Variants in PIK3R1 observed in about 807,000 individuals in gnomAD.
The protein encoded by PIK3R1 is phosphatidylinositol 3-kinase regulatory subunit alpha.
A neutral mutation model predicts 98.0 loss-of-function variants in PIK3R1; 29 were observed. The observed-to-expected ratio is 0.30, with a 90% CI of 0.22 to 0.40. The LOEUF (loss-of-function observed/expected upper bound fraction) is 0.40, where lower values mean the gene tolerates loss of function less well. Among genes scored for constraint, PIK3R1 ranks in the 10% least tolerant of loss-of-function variants. The probability of loss-of-function intolerance (pLI) is 1.00; values close to 1 mark genes in which losing one functional copy is unlikely to be tolerated. For synonymous variants in PIK3R1, 282 were observed against 311.8 expected (o/e 0.90, Z 1.01); for missense variants, 596 against 872.7 (o/e 0.68, Z 3.99).
chr5:68,262,793 A>G (rs1290928851), intron 2 of PIK3R1, among the ~76,000 whole-genome samples: 3 of 4,512 alleles, frequency 6.6e-4, no homozygotes, highest in African/African-American at 3.5e-3. Context: ...AGATACATGT[A>G]TACGTAGATA....
intron 4 of PIK3R1, among the ~76,000 whole-genome samples, chr5:68,276,420 G>A (rs1170475577): frequency 2.6e-5 from 4 of 152,228 alleles, no homozygotes; most frequent in African/African-American, 9.6e-5. Flanking sequence ...AACCTAGGGA[G>A]AGACCTAAGG....
chr5:68,228,020 T>G (rs1744345851), intron 2 of PIK3R1, among the ~76,000 whole-genome samples: 1 of 152,234 alleles, frequency 6.6e-6, no homozygotes, highest in African/African-American at 2.4e-5. Context: ...AATACCGGTT[T>G]CCTCACTAGT....
At chr5:68,275,285 A>C (rs1026744075) in intron 4 of PIK3R1, among the ~76,000 whole-genome samples, 1 of 152,158 alleles carries the variant, frequency 6.6e-6, no homozygotes, top group Admixed American at 6.5e-5. Flanking sequence ...CAAGGTGAAA[A>C]GGCTTGTTTT....
At chr5:68,220,459 C>G (rs1427822960) in intron 1 of PIK3R1, among the ~76,000 whole-genome samples, 1 of 152,142 alleles carries the variant, frequency 6.6e-6, no homozygotes, top group Non-Finnish European at 1.5e-5. Context: ...GCTACGTCAC[C>G]CTTTCTCCCA....
At chr5:68,222,004 T>C (rs930084435) in intron 1 of PIK3R1, among the ~76,000 whole-genome samples, 4 of 152,240 alleles carry the variant, frequency 2.6e-5, no homozygotes, top group African/African-American at 9.6e-5. Context: ...CAATAACTTA[T>C]GCATGCACTA....
At chr5:68,245,517 C>T (rs1391738405) in intron 2 of PIK3R1, among the ~76,000 whole-genome samples, 1 of 152,100 alleles carries the variant, frequency 6.6e-6, no homozygotes, top group African/African-American at 2.4e-5. Flanking sequence ...TGAACAATGC[C>T]CTTGGCTAAC....
chr5:68,284,531 C>T (rs556110033), intron 7 of PIK3R1, among the ~76,000 whole-genome samples: 1 of 152,340 alleles, frequency 6.6e-6, no homozygotes, highest in South Asian at 2.1e-4. Flanking sequence ...AACCATACGT[C>T]GCTGCCCCAA....
intron 7 of PIK3R1, chr5:68,291,399 G>A (rs1331581054): frequency 6.6e-6 from 1 of 151,994 alleles, no homozygotes; most frequent in Non-Finnish European, 1.5e-5. Context: ...ATCATTTTTT[G>A]TATAAGTTAA....
chr5:68,262,529 G>T (rs1207152987), intron 2 of PIK3R1, among the ~76,000 whole-genome samples: 5 of 81,172 alleles, frequency 6.2e-5, no homozygotes, highest in Non-Finnish European at 1.0e-4. Context: ...TAGATACATA[G>T]CTATATAGAT....
chr5:68,291,412 T>TG (rs1747382039), intron 7 of PIK3R1: 1 of 151,962 alleles, frequency 6.6e-6, no homozygotes, highest in Non-Finnish European at 1.5e-5. Flanking sequence ...TAAGTTAAAA[T>TG]AGTAACAGTG....
chr5:68,243,160 G>T (rs921409837), intron 2 of PIK3R1, among the ~76,000 whole-genome samples: 3 of 149,770 alleles, frequency 2.0e-5, no homozygotes, highest in Non-Finnish European at 4.4e-5. Context: ...GGCCCATTTT[G>T]AGCCCTTTGC....
rs1281378259 is a variant in PIK3R1 at position 68,300,865 on chromosome 5, TTAC to T, written c.*3266_*3268del. 4.3e-6 allele frequency: 1 copy of T among 233,180 alleles called. No homozygotes were observed. The highest frequency in any genetic ancestry group is 8.5e-6 in the Non-Finnish European group (1 of 118,038). The allele number at this position is 233,180 out of a possible 1,614,324, so 14.4% of individuals were successfully genotyped here. A position where few individuals can be genotyped will look rare whatever the true frequency, so the allele number is the denominator to read the frequency against. On this transcript the variant is annotated 3_prime_UTR_variant, in exon 16 of 16. Coordinates refer to ENST00000521381, the MANE Select transcript of PIK3R1 (RefSeq NM_181523.3). Reference sequence around the variant, plus strand: ...TTTGGCTTTTTTGTGTTTTTAAAAGTTACTCCTTTTAGGGAGCTGGTCTGATGA... The same window carrying T: ...TTTGGCTTTTTTGTGTTTTTAAAAGTTCCTTTTAGGGAGCTGGTCTGATGA...
rs1748060017 is a variant in PIK3R1 at position 68,301,392 on chromosome 5, G to GTGTGTA, written c.*3792_*3793insGTGTAT. ...TGTGTGTGTGTGTGTGTGTGTGTGT[G>GTGTGTA]TATATATATATATATATATATATAT... On this transcript the variant is annotated 3_prime_UTR_variant, in exon 16 of 16. Transcript: ENST00000521381. 2.2e-5 allele frequency: 1 copy of GTGTGTA among 45,336 alleles called. No homozygotes were observed. The highest frequency in any genetic ancestry group is 3.7e-5 in the Non-Finnish European group (1 of 27,058). 2.8% of individuals were successfully genotyped at this position (45,336 alleles called of 1,614,324 possible).
chr5:68,253,356 T>C (rs1282794612), intron 2 of PIK3R1, among the ~76,000 whole-genome samples: 1 of 152,174 alleles, frequency 6.6e-6, no homozygotes, highest in Admixed American at 6.5e-5. Context: ...AGCTAGCAAA[T>C]GGAATTATTC....
chr5:68,272,076 C>A (rs895903532), intron 2 of PIK3R1, among the ~76,000 whole-genome samples: 1 of 151,696 alleles, frequency 6.6e-6, no homozygotes, highest in Non-Finnish European at 1.5e-5. Flanking sequence ...TATGGCAAAA[C>A]CCCGTCTCTA....
intron 2 of PIK3R1, among the ~76,000 whole-genome samples, chr5:68,259,163 G>T (rs1745641003): frequency 6.6e-6 from 1 of 152,132 alleles, no homozygotes; most frequent in East Asian, 1.9e-4. Context: ...TATAAATTGA[G>T]ATGTGTTATG....
intron 2 of PIK3R1, among the ~76,000 whole-genome samples, chr5:68,262,748 GATAC>G (rs1745863249): frequency 7.1e-6 from 1 of 141,024 alleles, no homozygotes; most frequent in Admixed American, 7.0e-5. Context: ...GATGCATGTA[GATAC>G]ATGTATACAT....
intron 7 of PIK3R1, chr5:68,290,569 G>T: frequency 1.0e-6 from 1 of 996,532 alleles, no homozygotes; most frequent in East Asian, 2.8e-5. Context: ...AAGCAGGAGT[G>T]GTCTGGTGAC....
chr5:68,294,711 A>G (rs1747597535), intron 12 of PIK3R1, 33 bp downstream of exon 12: 1 of 1,553,816 alleles, frequency 6.4e-7, no homozygotes, highest in Admixed American at 2.1e-5. Flanking sequence ...TGCTAGAGAT[A>G]ACCAAAATCC....
Sources: allele counts gnomAD v4.1 joint callset (sites outside exome capture counted in the v4.1 genomes callset), GRCh38; gene constraint gnomAD v4.1.1; transcripts MANE v1.5; gene names NCBI Gene and HGNC (gene_info 2026-07-23, HGNC 2026-07-21).